TTC8: variants seen among roughly 807,000 people sequenced by gnomAD.
TTC8 encodes tetratricopeptide repeat protein 8.
Under a neutral mutation model 72.5 loss-of-function variants are expected in TTC8, and 47 were observed. That is an observed-to-expected ratio of 0.65 (90% CI 0.51 to 0.83). The LOEUF (loss-of-function observed/expected upper bound fraction) is 0.83. TTC8 is among the 40% of genes least tolerant of loss of function. The probability of loss-of-function intolerance (pLI) is 0.00; values close to 1 mark genes in which losing one functional copy is unlikely to be tolerated. For synonymous variants in TTC8, 199 were observed against 221.4 expected, an observed-to-expected ratio of 0.90 and a Z score of 0.90; for missense variants, 611 against 623.2, an observed-to-expected ratio of 0.98 and a Z score of 0.21.
At chr14:88,827,008 A>G (rs1050436833) in intron 1 of TTC8, among the ~76,000 whole-genome samples, 21 of 152,018 alleles carry the variant, frequency 1.4e-4, no homozygotes, top group African/African-American at 4.8e-4. Flanking sequence ...TCTGAAACTT[A>G]TTTGACCACC....
intron 7 of TTC8, among the ~76,000 whole-genome samples, chr14:88,844,684 A>C (rs1026343499): frequency 2.0e-5 from 3 of 151,690 alleles, no homozygotes; most frequent in African/African-American, 7.3e-5. Flanking sequence ...AGCTGGGACT[A>C]TAGGCGTGTG....
At chr14:88,829,773 T>C (rs1365690602) in intron 1 of TTC8, among the ~76,000 whole-genome samples, 1 of 152,168 alleles carries the variant, frequency 6.6e-6, no homozygotes, top group Non-Finnish European at 1.5e-5. Context: ...TGGCTGAAAA[T>C]GACTGGCTTA....
chr14:88,827,866 T>G (rs1362613182), intron 1 of TTC8, among the ~76,000 whole-genome samples: 1 of 152,144 alleles, frequency 6.6e-6, no homozygotes, highest in African/African-American at 2.4e-5. Context: ...AGCTTGAAAA[T>G]TATCTTTCCT....
intron 10 of TTC8, among the ~76,000 whole-genome samples, chr14:88,861,576 G>T (rs2094886080): frequency 6.6e-6 from 1 of 151,974 alleles, no homozygotes; most frequent in African/African-American, 2.4e-5. Flanking sequence ...CTATCAAATA[G>T]AACTTATTCT....
At chr14:88,875,133 A>G in intron 14 of TTC8, 24 bp downstream of exon 14, 1 of 1,564,422 alleles carries the variant, frequency 6.4e-7, no homozygotes, top group Non-Finnish European at 8.8e-7. Context: ...TCATTAATTT[A>G]TCATCTGATC....
At position 88,859,849 on chromosome 14, in the gene TTC8, T is replaced by C. The variant is rs562247480; in HGVS notation, c.799-1373T>C. The stretch of plus-strand genomic sequence containing the variant: ...TATAAACATATAAAAATAATATAAA[T>C]ATATAATCATATATAATATAAATAT... On this transcript the variant is annotated intron_variant, in intron 9 of 14. Coordinates refer to ENST00000380656, the MANE Select transcript of TTC8 (RefSeq NM_144596.4). Among the ~76,000 whole-genome samples, 4 of 144,174 alleles carry C rather than the reference T, an allele frequency of 2.8e-5. No homozygotes were observed. The Admixed American group carries it at 2.8e-4, about 10-fold the overall frequency. The allele number at this position is 144,174 out of a possible 152,430, so 94.6% of individuals were successfully genotyped here.
intron 10 of TTC8, among the ~76,000 whole-genome samples, chr14:88,867,939 A>G (rs2094918418): frequency 1.3e-5 from 2 of 152,186 alleles, no homozygotes; most frequent in South Asian, 4.1e-4. Flanking sequence ...TAAAACATAG[A>G]TTTGGGTCAA....
intron 2 of TTC8, among the ~76,000 whole-genome samples, chr14:88,834,215 G>A (rs940754719): frequency 1.3e-5 from 2 of 152,186 alleles, no homozygotes; most frequent in African/African-American, 2.4e-5. Context: ...TGGCCAGACA[G>A]TCACATCGAG....
rs748031715 is a variant in TTC8 at position 88,872,325 on chromosome 14, T to C, written c.1225-5T>C. 3.7e-6 allele frequency: 6 copies of C among 1,613,644 alleles called. No individual in the cohort carries two copies. The Admixed American group carries it at 6.7e-5, about 18-fold the overall frequency. On this transcript the variant is annotated splice_region_variant and splice_polypyrimidine_tract_variant and intron_variant, in intron 12 of 14. Transcript: ENST00000380656. ...ATGGGTGTGAACATAGGCTTTCTTT[T>C]GTAGGGAATAGGAGATACAAATTTG...
chr14:88,839,297 T>C (rs936982656), intron 2 of TTC8, among the ~76,000 whole-genome samples, 155 bp from the exon 3 acceptor site: 3 of 152,186 alleles, frequency 2.0e-5, no homozygotes, highest in Non-Finnish European at 4.4e-5. Flanking sequence ...TTGTATTAGT[T>C]TTTGACATGG....
At chr14:88,832,754 A>C (rs1173799571) in intron 1 of TTC8, among the ~76,000 whole-genome samples, 1 of 152,172 alleles carries the variant, frequency 6.6e-6, no homozygotes, top group Non-Finnish European at 1.5e-5. Context: ...GTGTTTCCTT[A>C]AGTTTGGACT....
At chr14:88,829,562 C>A (rs2094716952) in intron 1 of TTC8, among the ~76,000 whole-genome samples, 2 of 152,160 alleles carry the variant, frequency 1.3e-5, no homozygotes, top group Non-Finnish European at 2.9e-5. Context: ...AATATGCTTT[C>A]ATTAATGGGG....
At chr14:88,840,633 A>G (rs1337205259) in intron 3 of TTC8, among the ~76,000 whole-genome samples, 1 of 152,202 alleles carries the variant, frequency 6.6e-6, no homozygotes, top group Non-Finnish European at 1.5e-5. Flanking sequence ...CCTTTGTTAA[A>G]TAGGTTAATA....
At chr14:88,856,420 CATT>C (rs2094856369) in intron 8 of TTC8, among the ~76,000 whole-genome samples, 1 of 152,308 alleles carries the variant, frequency 6.6e-6, no homozygotes, top group Non-Finnish European at 1.5e-5. Context: ...CAAAATAAAA[CATT>C]ATCGTATCTG....
intron 14 of TTC8, 86 bp downstream of exon 14, chr14:88,875,195 C>A (rs2141044827): frequency 9.1e-7 from 1 of 1,095,914 alleles, no homozygotes; most frequent in South Asian, 1.4e-5. Flanking sequence ...TGAGGAAATT[C>A]TAACCTCATC....
intron 1 of TTC8, among the ~76,000 whole-genome samples, chr14:88,832,217 G>A (rs937103070): frequency 2.0e-5 from 3 of 152,222 alleles, no homozygotes; most frequent in Non-Finnish European, 4.4e-5. Flanking sequence ...AGATCGCGGA[G>A]ACTTTCCTCA....
chr14:88,846,581 A>G (rs549326199), intron 7 of TTC8: 4 of 1,341,416 alleles, frequency 3.0e-6, no homozygotes, highest in East Asian at 2.5e-5. Context: ...CATGGTGACA[A>G]TGTTTTTTAT....
rs919050517 is a variant in TTC8 at position 88,871,867 on chromosome 14, C to T, written c.1224+144C>T. On this transcript the variant is annotated intron_variant, in intron 12 of 14. Transcript: ENST00000380656. The surrounding 1 kb of genome is among the most constrained non-coding windows in gnomAD (Gnocchi z 4.1). The stretch of plus-strand genomic sequence containing the variant: ...AGGAGTTTGAGACCACCCTGGGCAA[C>T]ATAGTGGGACTCTGTCTCTACAAAA... 1.1e-6 allele frequency: 1 copy of T among 882,952 alleles called. No individual in the cohort carries two copies. Among genetic ancestry groups the T allele is most frequent in the Admixed American group, 2.0e-5 (1 of 49,368 alleles). 54.7% of individuals were successfully genotyped at this position (882,952 alleles called of 1,614,324 possible).
In TTC8 at chr14:88,850,012, A is replaced by G. The variant is rs1305055866; in HGVS notation, c.625-2959A>G. On this transcript the variant is annotated intron_variant, in intron 7 of 14. Transcript: ENST00000380656. ...ACTTAGATCTGCCAAAATTCCTCCT[A>G]CTTTTGGACTTTTATAAACTTACTG... Among the ~76,000 whole-genome samples, 3 of 152,080 alleles carry G rather than the reference A, an allele frequency of 2.0e-5. No homozygotes were observed. In the South Asian group the frequency reaches 6.2e-4, roughly 32 times the overall value.
Sources: allele counts gnomAD v4.1 joint callset (sites outside exome capture counted in the v4.1 genomes callset), GRCh38; gene constraint gnomAD v4.1.1; non-coding constraint Gnocchi (gnomAD v3.1); transcripts MANE v1.5; gene names NCBI Gene and HGNC (gene_info 2026-07-23, HGNC 2026-07-21).